Variants in DCDC2 observed in about 807,000 individuals in gnomAD.
DCDC2 encodes doublecortin domain containing 2.
Under a neutral mutation model 50.2 loss-of-function variants are expected in DCDC2, and 40 were observed. That is an observed-to-expected ratio of 0.80 (90% CI 0.62 to 1.04). DCDC2 has a LOEUF of 1.04. Ranked by LOEUF, DCDC2 falls within the 50% of genes least tolerant of loss-of-function variation. The probability of loss-of-function intolerance (pLI) is 0.00; values close to 1 mark genes in which losing one functional copy is unlikely to be tolerated. For synonymous variants in DCDC2, 234 were observed against 210.6 expected (o/e 1.11, Z -0.96); for missense variants, 570 against 581.9 (o/e 0.98, Z 0.21).
chr6:24,228,191 C>T (rs553312131), intron 7 of DCDC2, among the ~76,000 whole-genome samples: 1 of 152,330 alleles, frequency 6.6e-6, no homozygotes, highest in South Asian at 2.1e-4. Flanking sequence ...TATAAATCAG[C>T]TCTGGCTTCT....
At chr6:24,264,590 G>A (rs1763078342) in intron 7 of DCDC2, among the ~76,000 whole-genome samples, 1 of 151,694 alleles carries the variant, frequency 6.6e-6, no homozygotes, top group Non-Finnish European at 1.5e-5. Flanking sequence ...GTATTTGCAA[G>A]CCTCATGGTA....
intron 8 of DCDC2, among the ~76,000 whole-genome samples, chr6:24,193,099 C>G (rs1761347408): frequency 6.6e-6 from 1 of 152,028 alleles, no homozygotes; most frequent in South Asian, 2.1e-4. Flanking sequence ...CCTCACAATT[C>G]TGAGAGAAAT....
chr6:24,204,950 A>G (rs1029853808), intron 8 of DCDC2, 52 bp downstream of exon 8: 55 of 1,539,560 alleles, frequency 3.6e-5, no homozygotes, highest in South Asian at 2.7e-4. Context: ...CAAAACTTGG[A>G]AAAAAAACAC....
chr6:24,218,708 T>C (rs1396538668), intron 7 of DCDC2, among the ~76,000 whole-genome samples: 4 of 152,196 alleles, frequency 2.6e-5, no homozygotes, highest in Non-Finnish European at 5.9e-5. Context: ...AGGCTGGTCC[T>C]GAACTCCTGG....
In DCDC2 at chr6:24,246,061, T is replaced by G. The variant is rs1581608829; in HGVS notation, c.922+31988A>C. 2.0e-5 allele frequency among the ~76,000 whole-genome samples: 3 copies of G among 152,162 alleles called. 1 individual carries two copies. The East Asian group carries it at 5.8e-4, about 29-fold the overall frequency. ...CTCTGTTGCCCAGGCTGGAGTGCAC[T>G]GGCACACTGCAACCTCCACCTCCTG... is the stretch of plus-strand genomic sequence containing the variant. On this transcript the variant is annotated intron_variant, in intron 7 of 9. Transcript: ENST00000378454.
At chr6:24,296,417 G>C (rs1367994269) in intron 4 of DCDC2, among the ~76,000 whole-genome samples, 3 of 152,166 alleles carry the variant, frequency 2.0e-5, no homozygotes, top group African/African-American at 7.2e-5. Context: ...AAAGGAACTG[G>C]TAAAGATTTC....
intron 4 of DCDC2, among the ~76,000 whole-genome samples, chr6:24,296,821 T>C (rs1014239753): frequency 6.6e-6 from 1 of 152,172 alleles, no homozygotes; most frequent in Non-Finnish European, 1.5e-5. Context: ...TAATAGATGC[T>C]GGAAAAGCTG....
rs572976972 is a variant in DCDC2, at chr6:24,183,071, T to C, written c.1024-4439A>G. Among the ~76,000 whole-genome samples, 6 of 152,330 alleles carry C rather than the reference T, an allele frequency of 3.9e-5. No homozygotes were observed. In the South Asian group the frequency reaches 1.2e-3, roughly 32 times the overall value. Reference sequence around the variant, plus strand: ...CAAAAAGACAAATACTGTATGATTCTACATGTGAGGTATGTAGTCAGAATC... The same window carrying C: ...CAAAAAGACAAATACTGTATGATTCCACATGTGAGGTATGTAGTCAGAATC... On this transcript the variant is annotated intron_variant, in intron 8 of 9. Coordinates refer to ENST00000378454, the MANE Select transcript of DCDC2 (RefSeq NM_016356.5).
the DCDC2 span, among the ~76,000 whole-genome samples, chr6:24,364,736 C>CA: frequency 0.021 from 2,911 of 138,236 alleles, 59 homozygotes; most frequent in African/African-American, 0.059. Context: ...TTCAGATCAG[C>CA]AAAAAAAAAA....
intron 7 of DCDC2, among the ~76,000 whole-genome samples, chr6:24,227,749 C>A (rs561180076): frequency 2.0e-4 from 30 of 152,314 alleles, no homozygotes; most frequent in African/African-American, 4.6e-4. Context: ...AAACAACAAC[C>A]GTCTGCCCGT....
chr6:24,308,046 A>C (rs1170100283), intron 2 of DCDC2, among the ~76,000 whole-genome samples: 1 of 152,208 alleles, frequency 6.6e-6, no homozygotes, highest in Admixed American at 6.5e-5. Context: ...TGTGTTAGTC[A>C]GCATGACCAA....
At chr6:24,326,652 T>G (rs891306617) in intron 2 of DCDC2, among the ~76,000 whole-genome samples, 1 of 148,076 alleles carries the variant, frequency 6.8e-6, no homozygotes, top group Non-Finnish European at 1.5e-5. Flanking sequence ...AGTCCAAGAG[T>G]TCAAGACCAG....
intron 7 of DCDC2, among the ~76,000 whole-genome samples, chr6:24,253,651 T>C (rs1762836515): frequency 1.3e-5 from 2 of 152,152 alleles, no homozygotes; most frequent in Admixed American, 1.3e-4. Context: ...AACACAATGG[T>C]AACTACTTGT....
chr6:24,282,305 C>T (rs1043644481), intron 6 of DCDC2, among the ~76,000 whole-genome samples: 1 of 151,882 alleles, frequency 6.6e-6, no homozygotes, highest in African/African-American at 2.4e-5. Context: ...TGCAGTGGTG[C>T]TATCTTGGCT....
intron 2 of DCDC2, among the ~76,000 whole-genome samples, chr6:24,340,774 G>A (rs1211227927): frequency 6.6e-6 from 1 of 152,172 alleles, no homozygotes; most frequent in African/African-American, 2.4e-5. Context: ...CGCCCAGACT[G>A]GAGTGCAGTG....
At chr6:24,292,751 G>A (rs143619184) in intron 4 of DCDC2, among the ~76,000 whole-genome samples, 1 of 152,142 alleles carries the variant, frequency 6.6e-6, no homozygotes, top group Non-Finnish European at 1.5e-5. Flanking sequence ...TGACATTTTG[G>A]ACCAGATAAT....
At chr6:24,226,178 A>T (rs1383740952) in intron 7 of DCDC2, among the ~76,000 whole-genome samples, 1 of 152,242 alleles carries the variant, frequency 6.6e-6, no homozygotes, top group Non-Finnish European at 1.5e-5. Flanking sequence ...CTATGCCTCA[A>T]ATCTCCAAGA....
At chr6:24,250,871 G>A (rs757447022) in intron 7 of DCDC2, among the ~76,000 whole-genome samples, 12 of 152,036 alleles carry the variant, frequency 7.9e-5, no homozygotes, top group African/African-American at 1.7e-4. Context: ...TGTCACAAGC[G>A]ATGAAAAATG....
chr6:24,351,356 C>A (rs2127254307), intron 2 of DCDC2, among the ~76,000 whole-genome samples: 1 of 152,234 alleles, frequency 6.6e-6, no homozygotes, highest in South Asian at 2.1e-4. Context: ...GACAGGAGGG[C>A]AGAGTGGGAG....
Sources: gnomAD v4.1 joint callset for allele counts (sites outside exome capture counted in the v4.1 genomes callset) on GRCh38, gnomAD v4.1.1 for gene constraint, MANE v1.5 for transcripts, NCBI Gene and HGNC (gene_info 2026-07-23, HGNC 2026-07-21) for gene names.